HEMK2: variants seen among roughly 807,000 people sequenced by gnomAD.
HEMK2 encodes the protein HemK methyltransferase 2, ETF1 glutamine and histone H4 lysine.
At chr21:28,749,137 GC>G in the HEMK2 span, among the ~76,000 whole-genome samples, 24,209 of 152,008 alleles carry the variant, frequency 0.16, 2,308 homozygotes, top group African/African-American at 0.25. Context: ...TCCAGCATTG[GC>G]CAAAAGAGTG....
chr21:28,677,275 T>C, the HEMK2 span, among the ~76,000 whole-genome samples: 1 of 151,936 alleles, frequency 6.6e-6, no homozygotes, highest in Non-Finnish European at 1.5e-5. Flanking sequence ...CGGAGGGTCC[T>C]ACACCCACGG....
chr21:28,746,768 A>G, the HEMK2 span, among the ~76,000 whole-genome samples: 2 of 152,090 alleles, frequency 1.3e-5, no homozygotes, highest in Admixed American at 6.5e-5. Flanking sequence ...GCATTTCAAC[A>G]TACTTGAAGA....
the HEMK2 span, among the ~76,000 whole-genome samples, chr21:28,830,028 C>T: frequency 6.6e-6 from 1 of 152,286 alleles, no homozygotes; most frequent in South Asian, 2.1e-4. Flanking sequence ...AGATCTTAGC[C>T]ACATTTTGTC....
At chr21:28,634,376 T>C in the HEMK2 span, among the ~76,000 whole-genome samples, 5 of 152,318 alleles carry the variant, frequency 3.3e-5, no homozygotes, top group Admixed American at 2.0e-4. Flanking sequence ...TCGCAGTAGC[T>C]AACAGTACAT....
At chr21:28,709,282 A>G in the HEMK2 span, among the ~76,000 whole-genome samples, 5 of 152,238 alleles carry the variant, frequency 3.3e-5, no homozygotes, top group Non-Finnish European at 7.3e-5. Flanking sequence ...TGTAGAATAC[A>G]GAGTTAATAT....
the HEMK2 span, chr21:28,882,361 A>C: frequency 2.8e-6 from 2 of 714,610 alleles, no homozygotes; most frequent in South Asian, 3.5e-5. Flanking sequence ...TTTAGAAAAA[A>C]AAAAATTAGA....
the HEMK2 span, among the ~76,000 whole-genome samples, chr21:28,774,067 T>G: frequency 6.6e-6 from 1 of 152,244 alleles, no homozygotes; most frequent in East Asian, 1.9e-4. Context: ...CTGTTTAGGC[T>G]TTTCACAAGT....
the HEMK2 span, among the ~76,000 whole-genome samples, chr21:28,630,136 C>A: frequency 1.3e-5 from 2 of 151,992 alleles, no homozygotes; most frequent in Admixed American, 6.6e-5. Flanking sequence ...TATCTTAAGG[C>A]CGATTTGCTG....
At chr21:28,583,062 T>C in the HEMK2 span, among the ~76,000 whole-genome samples, 239 of 152,332 alleles carry the variant, frequency 1.6e-3, 1 homozygote, top group African/African-American at 5.5e-3. Context: ...ACAGTATCAA[T>C]GAGACTGAGT....
chr21:28,835,167 C>A, the HEMK2 span, among the ~76,000 whole-genome samples: 9 of 152,132 alleles, frequency 5.9e-5, no homozygotes, highest in Admixed American at 1.3e-4. Context: ...GAAAATGCCA[C>A]CTCCTGGCAG....
the HEMK2 span, among the ~76,000 whole-genome samples, chr21:28,576,677 G>A: frequency 6.6e-6 from 1 of 151,960 alleles, no homozygotes; most frequent in Non-Finnish European, 1.5e-5. Context: ...TTTCCCAGAA[G>A]CTCTGTAGGT....
chr21:28,794,865 G>A, the HEMK2 span, among the ~76,000 whole-genome samples: 1 of 152,168 alleles, frequency 6.6e-6, no homozygotes, highest in African/African-American at 2.4e-5. Context: ...GGATTCTGTG[G>A]TATGCTCATG....
At chr21:28,806,461 C>A in the HEMK2 span, among the ~76,000 whole-genome samples, 1 of 152,064 alleles carries the variant, frequency 6.6e-6, no homozygotes, top group African/African-American at 2.4e-5. Context: ...GAAATCCTAA[C>A]CTCCAGTAAC....
the HEMK2 span, among the ~76,000 whole-genome samples, chr21:28,804,083 G>A: frequency 6.6e-6 from 1 of 152,188 alleles, no homozygotes; most frequent in African/African-American, 2.4e-5. Flanking sequence ...TACTCTATCA[G>A]TATCTAAAAA....
the HEMK2 span, among the ~76,000 whole-genome samples, chr21:28,595,773 CTTTA>C: frequency 2.9e-4 from 44 of 149,446 alleles, no homozygotes; most frequent in African/African-American, 6.1e-4. Flanking sequence ...TTTTATTTTA[CTTTA>C]TTTATTTATT....
At chr21:28,836,207 G>A in the HEMK2 span, among the ~76,000 whole-genome samples, 8 of 152,218 alleles carry the variant, frequency 5.3e-5, no homozygotes, top group East Asian at 7.7e-4. Context: ...AAGTTAAGAC[G>A]AAGGAAAGAA....
the HEMK2 span, among the ~76,000 whole-genome samples, chr21:28,646,631 T>C: frequency 1.6e-3 from 240 of 152,326 alleles, no homozygotes; most frequent in East Asian, 0.01. Flanking sequence ...ATTTTTCATA[T>C]AGCATCAGTC....
chr21:28,623,937 C>A, the HEMK2 span, among the ~76,000 whole-genome samples: 1 of 152,092 alleles, frequency 6.6e-6, no homozygotes, highest in Non-Finnish European at 1.5e-5. Flanking sequence ...ACCTATGTAA[C>A]AAACCTGCAC....
the HEMK2 span, among the ~76,000 whole-genome samples, chr21:28,584,895 C>A: frequency 6.6e-6 from 1 of 152,008 alleles, no homozygotes; most frequent in Non-Finnish European, 1.5e-5. Context: ...CAAATGTCTA[C>A]TATGTACCAA....
Sources: allele counts gnomAD v4.1 joint callset (sites outside exome capture counted in the v4.1 genomes callset), GRCh38; gene constraint gnomAD v4.1.1; transcripts MANE v1.5; gene names NCBI Gene and HGNC (gene_info 2026-07-23, HGNC 2026-07-21).